Variants in CCSER1 observed in about 807,000 individuals in gnomAD.
CCSER1 encodes the protein serine-rich coiled-coil domain-containing protein 1.
In CCSER1, 41 loss-of-function variants were observed where a neutral mutation model predicts 82.0. The observed-to-expected ratio is 0.50, with a 90% CI of 0.39 to 0.65. CCSER1 has a LOEUF of 0.65. CCSER1 is among the 30% of genes least tolerant of loss of function. CCSER1 has a pLI of 0.00. For missense variants in CCSER1, 1,119 were observed against 1,064.2 expected, an observed-to-expected ratio of 1.05 and a Z score of -0.72; for synonymous variants, 414 against 383.9, an observed-to-expected ratio of 1.08 and a Z score of -0.92.
intron 5 of CCSER1, among the ~76,000 whole-genome samples, chr4:90,511,800 A>G (rs28594980): frequency 0.074 from 11,322 of 152,238 alleles, 545 homozygotes; most frequent in African/African-American, 0.12. Flanking sequence ...GGAATTTCTC[A>G]AATAGGTATA....
intron 6 of CCSER1, chr4:90,683,059 C>G (rs1734180050): frequency 6.6e-6 from 1 of 152,260 alleles, no homozygotes; most frequent in Non-Finnish European, 1.5e-5. Context: ...AAGCAACATA[C>G]TGATATTTCT....
At chr4:90,836,571 T>C (rs1761833638) in intron 8 of CCSER1, among the ~76,000 whole-genome samples, 1 of 152,206 alleles carries the variant, frequency 6.6e-6, no homozygotes, top group African/African-American at 2.4e-5. Context: ...TTTAAGTTCA[T>C]GAAGCTTCAC....
chr4:90,294,890 G>A (rs1731582871), intron 1 of CCSER1, among the ~76,000 whole-genome samples: 1 of 151,776 alleles, frequency 6.6e-6, no homozygotes, highest in Non-Finnish European at 1.5e-5. Context: ...ATATGATTCT[G>A]CAGAGTATTT....
intron 10 of CCSER1, among the ~76,000 whole-genome samples, chr4:91,402,446 A>G (rs1024217136): frequency 5.9e-5 from 9 of 151,960 alleles, no homozygotes; most frequent in East Asian, 1.9e-4. Flanking sequence ...TGCTTTTGGT[A>G]TTTTAGACAT....
intron 8 of CCSER1, among the ~76,000 whole-genome samples, chr4:90,886,037 A>G (rs1421611869): frequency 1.3e-5 from 2 of 152,042 alleles, no homozygotes; most frequent in African/African-American, 4.8e-5. Flanking sequence ...GGTGTTCTCC[A>G]GTGACCTCCA....
At chr4:90,915,569 G>A (rs1319863689) in intron 8 of CCSER1, among the ~76,000 whole-genome samples, 1 of 152,114 alleles carries the variant, frequency 6.6e-6, no homozygotes, top group Admixed American at 6.6e-5. Context: ...TACTGAATGG[G>A]CAAAAACTGG....
intron 1 of CCSER1, among the ~76,000 whole-genome samples, chr4:90,247,251 G>A (rs1721586671): frequency 6.6e-6 from 1 of 152,128 alleles, no homozygotes; most frequent in Non-Finnish European, 1.5e-5. Context: ...AAGCAAAACT[G>A]CAGCTCCATC....
chr4:91,258,696 T>A (rs1740878400), intron 10 of CCSER1, among the ~76,000 whole-genome samples: 1 of 152,180 alleles, frequency 6.6e-6, no homozygotes, highest in Non-Finnish European at 1.5e-5. Context: ...ATTCATTTCC[T>A]GCTTATTAGA....
Position 90,970,498 on chromosome 4 carries a change from A to G in CCSER1, c.2172+47051A>G, listed in dbSNP as rs144808944. Among the ~76,000 whole-genome samples the G allele has an allele frequency of 2.0e-3, 306 of 152,166 alleles. 1 individual carries two copies. Among genetic ancestry groups the G allele is most frequent in the Middle Eastern group, 6.8e-3 (2 of 294 alleles). ...GAAAGAAGAAATAGACAGAAATACAATAGTAGAAGATAGATACTATGTTAT... is the reference window on the plus strand; with the variant it reads ...GAAAGAAGAAATAGACAGAAATACAGTAGTAGAAGATAGATACTATGTTAT... On this transcript the variant is annotated intron_variant, in intron 9 of 10. Coordinates refer to ENST00000509176, the MANE Select transcript of CCSER1 (RefSeq NM_001145065.2).
At chr4:91,062,495 G>T (rs1744045373) in intron 9 of CCSER1, among the ~76,000 whole-genome samples, 1 of 151,984 alleles carries the variant, frequency 6.6e-6, no homozygotes, top group Non-Finnish European at 1.5e-5. Context: ...GCAACTTTTG[G>T]TCCTAACCTT....
intron 6 of CCSER1, among the ~76,000 whole-genome samples, chr4:90,699,662 T>C (rs551885434): frequency 6.6e-6 from 1 of 152,186 alleles, no homozygotes; most frequent in African/African-American, 2.4e-5. Flanking sequence ...ATGTACAAAG[T>C]ACACTCAAAG....
chr4:90,378,479 C>T (rs151307062), intron 3 of CCSER1, among the ~76,000 whole-genome samples: 90 of 152,270 alleles, frequency 5.9e-4, no homozygotes, highest in African/African-American at 2.1e-3. Context: ...CTATGCTGTA[C>T]TTATACTGGC....
chr4:90,708,478 A>T (rs1217670020), intron 6 of CCSER1, among the ~76,000 whole-genome samples: 1 of 152,148 alleles, frequency 6.6e-6, no homozygotes, highest in African/African-American at 2.4e-5. Flanking sequence ...ACACTAGTAG[A>T]GCTTCTGGTA....
At chr4:91,281,874 A>G (rs186440345) in intron 10 of CCSER1, among the ~76,000 whole-genome samples, 2 of 152,316 alleles carry the variant, frequency 1.3e-5, no homozygotes, top group East Asian at 3.9e-4. Flanking sequence ...TCTCTAATGA[A>G]GATCAGTCCT....
At chr4:90,411,860 C>T (rs1754896866) in intron 4 of CCSER1, among the ~76,000 whole-genome samples, 1 of 152,088 alleles carries the variant, frequency 6.6e-6, no homozygotes, top group Non-Finnish European at 1.5e-5. Flanking sequence ...CATGATTGTA[C>T]ATCTAGAAAA....
At chr4:90,448,872 C>G (rs759345041) in intron 4 of CCSER1, among the ~76,000 whole-genome samples, 3 of 152,068 alleles carry the variant, frequency 2.0e-5, no homozygotes, top group Admixed American at 1.3e-4. Context: ...TGTTACAGCT[C>G]TTTTGGTCCC....
At chr4:90,246,536 T>A (rs1721433641) in intron 1 of CCSER1, among the ~76,000 whole-genome samples, 1 of 152,168 alleles carries the variant, frequency 6.6e-6, no homozygotes, top group African/African-American at 2.4e-5. Flanking sequence ...TTGTCGGAAC[T>A]CTTTTTCTCC....
At chr4:91,373,602 A>T (rs1750191405) in intron 10 of CCSER1, among the ~76,000 whole-genome samples, 1 of 152,112 alleles carries the variant, frequency 6.6e-6, no homozygotes. Flanking sequence ...ATCTCTTTAT[A>T]TCCCTGAGTT....
chr4:90,267,026 C>G (rs566782293), intron 1 of CCSER1, among the ~76,000 whole-genome samples: 1 of 152,006 alleles, frequency 6.6e-6, no homozygotes, highest in African/African-American at 2.4e-5. Context: ...GGTAGAGCAC[C>G]AAGCCAACTC....
Sources: allele counts gnomAD v4.1 joint callset (sites outside exome capture counted in the v4.1 genomes callset), GRCh38; gene constraint gnomAD v4.1.1; transcripts MANE v1.5; gene names NCBI Gene and HGNC (gene_info 2026-07-23, HGNC 2026-07-21).